The following ADARB2 variants were observed in gnomAD, a reference collection of about 807,000 sequenced individuals.
ADARB2 encodes the protein inactive double-stranded RNA-specific editase B2.
ADARB2 carries 25 observed loss-of-function variants against 62.2 expected under a neutral mutation model. The observed-to-expected ratio is 0.40, with a 90% CI of 0.29 to 0.56. The LOEUF is 0.56. Among genes scored for constraint, ADARB2 ranks in the 20% least tolerant of loss-of-function variants. The pLI is 0.43. For synonymous variants in ADARB2, 572 were observed against 500.8 expected (o/e 1.14, Z -1.90); for missense variants, 1,071 against 1,077.4 (o/e 0.99, Z 0.08).
chr10:1,736,302 G>GC (rs1835299633), intron 1 of ADARB2, among the ~76,000 whole-genome samples: 1 of 152,172 alleles, frequency 6.6e-6, no homozygotes, highest in Non-Finnish European at 1.5e-5. Flanking sequence ...CAGTGTGAAA[G>GC]CCCTCCCTTG....
At chr10:1,597,698 T>C (rs1219571485) in intron 1 of ADARB2, among the ~76,000 whole-genome samples, 2 of 152,200 alleles carry the variant, frequency 1.3e-5, no homozygotes, top group South Asian at 2.1e-4. Flanking sequence ...ATAGCTTCTA[T>C]TGAAAACAGC....
chr10:1,557,173 G>C (rs544013406), intron 1 of ADARB2, among the ~76,000 whole-genome samples: 8 of 151,694 alleles, frequency 5.3e-5, no homozygotes, highest in African/African-American at 1.9e-4. Context: ...CCAGTCGACT[G>C]TGCTCCCATC....
At chr10:1,681,485 T>A (rs78492455) in intron 1 of ADARB2, among the ~76,000 whole-genome samples, 5,436 of 148,318 alleles carry the variant, frequency 0.037, 124 homozygotes, top group East Asian at 0.084. Context: ...TAAAAAATAT[T>A]AAAAAAAAAA....
chr10:1,347,954 G>A (rs1038444491), intron 3 of ADARB2, among the ~76,000 whole-genome samples: 1 of 151,798 alleles, frequency 6.6e-6, no homozygotes, highest in African/African-American at 2.4e-5. Flanking sequence ...AGATAGGGGT[G>A]GAGAGAGACA....
At chr10:1,496,873 C>T (rs1034292268) in intron 1 of ADARB2, among the ~76,000 whole-genome samples, 2 of 152,150 alleles carry the variant, frequency 1.3e-5, no homozygotes, top group African/African-American at 2.4e-5. Flanking sequence ...GGGCTATGAA[C>T]AATAGGGAAA....
At chr10:1,615,964 A>T (rs764944723) in intron 1 of ADARB2, among the ~76,000 whole-genome samples, 12 of 152,212 alleles carry the variant, frequency 7.9e-5, no homozygotes, top group Non-Finnish European at 1.6e-4. Flanking sequence ...TGAAAATTGG[A>T]TTCTACTAGA....
chr10:1,315,338 A>G (rs1474812088), intron 3 of ADARB2, among the ~76,000 whole-genome samples: 1 of 152,178 alleles, frequency 6.6e-6, no homozygotes, highest in South Asian at 2.1e-4. Flanking sequence ...TTCCGCCTTC[A>G]TTGATTGCTG....
chr10:1,209,728 C>T (rs1289729455), intron 7 of ADARB2, among the ~76,000 whole-genome samples: 1 of 151,870 alleles, frequency 6.6e-6, no homozygotes, highest in African/African-American at 2.4e-5. Context: ...CCCACACCCA[C>T]ACACCCACAC....
chr10:1,202,278 C>T (rs1564218619), intron 7 of ADARB2, among the ~76,000 whole-genome samples: 1 of 151,874 alleles, frequency 6.6e-6, no homozygotes, highest in Non-Finnish European at 1.5e-5. Flanking sequence ...GACAGGGTCT[C>T]ACTCTGTCAC....
intron 4 of ADARB2, among the ~76,000 whole-genome samples, chr10:1,263,066 G>A (rs1374927717): frequency 6.8e-6 from 1 of 147,108 alleles, no homozygotes; most frequent in African/African-American, 2.5e-5. Flanking sequence ...TCACTCATAG[G>A]TGGGAATTGA....
intron 1 of ADARB2, among the ~76,000 whole-genome samples, chr10:1,504,539 C>T (rs910917453): frequency 2.0e-5 from 3 of 152,146 alleles, no homozygotes; most frequent in African/African-American, 4.8e-5. Flanking sequence ...CTGTGCACTG[C>T]GTGGAGCCCC....
intron 1 of ADARB2, among the ~76,000 whole-genome samples, chr10:1,647,808 G>C (rs11595006): frequency 0.28 from 42,596 of 151,810 alleles, 7,114 homozygotes; most frequent in East Asian, 0.43. Context: ...GTATATGTGT[G>C]TGTGTATGCA....
chr10:1,688,815 A>G (rs920068689), intron 1 of ADARB2, among the ~76,000 whole-genome samples: 1 of 152,234 alleles, frequency 6.6e-6, no homozygotes, highest in African/African-American at 2.4e-5. Flanking sequence ...GCCTTTTTAT[A>G]CACCTTCTTG....
intron 1 of ADARB2, among the ~76,000 whole-genome samples, chr10:1,608,106 A>G (rs1271570345): frequency 6.6e-6 from 1 of 152,226 alleles, no homozygotes; most frequent in Non-Finnish European, 1.5e-5. Flanking sequence ...TCTATTTATC[A>G]TCTTGTTCAT....
At chr10:1,270,721 G>C (rs555084857) in intron 4 of ADARB2, among the ~76,000 whole-genome samples, 1 of 152,208 alleles carries the variant, frequency 6.6e-6, no homozygotes, top group Non-Finnish European at 1.5e-5. Flanking sequence ...CCCAGAGACG[G>C]GGGATGCCCA....
At chr10:1,371,784 TA>T (rs71379114) in intron 2 of ADARB2, among the ~76,000 whole-genome samples, 78,082 of 125,002 alleles carry the variant, frequency 0.62, 24,458 homozygotes, top group Non-Finnish European at 0.72. Context: ...TATTAAAAAG[TA>T]AAAAAAAAAA....
intron 1 of ADARB2, among the ~76,000 whole-genome samples, chr10:1,588,842 C>A (rs1435354965): frequency 1.3e-5 from 2 of 152,152 alleles, no homozygotes; most frequent in African/African-American, 2.4e-5. Flanking sequence ...CGATACAGAT[C>A]AAGACAGAGC....
Position 1,255,735 on chromosome 10 carries a change from C to T in ADARB2, c.1193-13436G>A, listed in dbSNP as rs1289637460. Among the ~76,000 whole-genome samples the T allele has an allele frequency of 1.3e-5, 2 of 152,182 alleles. No homozygotes were observed. The highest frequency in any genetic ancestry group is 2.1e-4 in the South Asian group (1 of 4,834). ...TGGGCAGGGAGCTGGCTGCATGGTT[C>T]GCTAGACAGTGTGACCTCATGAGAG... On this transcript the variant is annotated intron_variant, in intron 4 of 9. Transcript: ENST00000381312. This position sits in a 1 kb window ranked among gnomAD's most constrained non-coding sequence, Gnocchi z 4.7.
chr10:1,733,681 CT>C (rs1284281779), intron 1 of ADARB2, among the ~76,000 whole-genome samples: 2 of 152,030 alleles, frequency 1.3e-5, no homozygotes, highest in Non-Finnish European at 2.9e-5. Flanking sequence ...AAAGTGTATC[CT>C]TTTTTAATAC....
Sources: gnomAD v4.1 joint callset for allele counts (sites outside exome capture counted in the v4.1 genomes callset) on GRCh38, gnomAD v4.1.1 for gene constraint, Gnocchi (gnomAD v3.1) non-coding constraint, MANE v1.5 for transcripts, NCBI Gene and HGNC (gene_info 2026-07-23, HGNC 2026-07-21) for gene names.